USP13: variants seen among roughly 807,000 people sequenced by gnomAD.
USP13 encodes ubiquitin specific peptidase 13, also known as ubiquitin carboxyl-terminal hydrolase 13.
Under a neutral mutation model 107.8 loss-of-function variants are expected in USP13, and 68 were observed. The ratio of observed to expected loss-of-function variants is 0.63; its 90% CI spans 0.52 to 0.77. The LOEUF (loss-of-function observed/expected upper bound fraction) is 0.77, where lower values mean the gene tolerates loss of function less well. USP13 is among the 30% of genes least tolerant of loss of function. The probability of loss-of-function intolerance (pLI) is 0.00; values close to 1 mark genes in which losing one functional copy is unlikely to be tolerated. For missense variants in USP13, 945 were observed against 1,093.3 expected (o/e 0.86, Z 1.91); for synonymous variants, 377 against 389.5 (o/e 0.97, Z 0.38).
chr3:179,683,325 T>C (rs1711734048), intron 2 of USP13, among the ~76,000 whole-genome samples: 1 of 152,218 alleles, frequency 6.6e-6, no homozygotes, highest in Admixed American at 6.5e-5. Flanking sequence ...TTTTGTCGTA[T>C]GAGTTGTGCT....
intron 6 of USP13, among the ~76,000 whole-genome samples, chr3:179,710,199 G>T (rs973516199): frequency 1.3e-5 from 2 of 152,170 alleles, no homozygotes; most frequent in Non-Finnish European, 2.9e-5. Context: ...AATCTTCCAG[G>T]ATTGAAAGGA....
rs1213061378 is a variant in USP13 at position 179,784,069 on chromosome 3, C to T, written c.2520C>T (p.His840=). 1.2e-6 allele frequency: 2 copies of T among 1,612,922 alleles called. No individual in the cohort carries two copies. Among genetic ancestry groups the T allele is most frequent in the Non-Finnish European group, 8.5e-7 (1 of 1,179,722 alleles). Reference sequence around the variant, plus strand: ...TCAGATGGGTGATTTACAATGACCACAAAGTTTGTGCCTCAGAAAGGCCCC... The same window carrying T: ...TCAGATGGGTGATTTACAATGACCATAAAGTTTGTGCCTCAGAAAGGCCCC... ...KEGRWVIYND[H]KVCASERPPK... is the part of the protein sequence containing the mutation. The change falls in exon 21 of 21, where the codon CAC becomes CAT. Residue 840 remains histidine (H), a synonymous_variant. Coordinates refer to ENST00000263966, the MANE Select transcript of USP13 (RefSeq NM_003940.3).
At chr3:179,753,850 C>G (rs1303235374) in intron 14 of USP13, among the ~76,000 whole-genome samples, 1 of 152,114 alleles carries the variant, frequency 6.6e-6, no homozygotes, top group African/African-American at 2.4e-5. Context: ...ATATGTGCAG[C>G]ACTAAATCTT....
chr3:179,738,819 G>A (rs1446402367), intron 10 of USP13, among the ~76,000 whole-genome samples: 2 of 152,196 alleles, frequency 1.3e-5, no homozygotes, highest in African/African-American at 4.8e-5. Context: ...ATTAGTGTCA[G>A]CATCTAATTT....
chr3:179,701,503 CA>C (rs1328433620), intron 4 of USP13, among the ~76,000 whole-genome samples: 1 of 152,164 alleles, frequency 6.6e-6, no homozygotes, highest in African/African-American at 2.4e-5. Flanking sequence ...CTTTTCTGAT[CA>C]GAAGGATAAC....
intron 10 of USP13, among the ~76,000 whole-genome samples, chr3:179,738,622 C>T (rs1055472229): frequency 2.0e-5 from 3 of 152,200 alleles, no homozygotes; most frequent in African/African-American, 7.2e-5. Flanking sequence ...TGGGAAACAG[C>T]TTTATCAGGT....
intron 1 of USP13, among the ~76,000 whole-genome samples, chr3:179,680,979 A>G (rs1473305778): frequency 1.0e-5 from 1 of 97,780 alleles, no homozygotes; most frequent in East Asian, 3.4e-4. Context: ...AGGAAGAACG[A>G]TAATAAAATA....
Position 179,653,092 on chromosome 3 carries a change from G to C in USP13, c.-134G>C. The C allele has an allele frequency of 7.7e-6, 6 of 782,294 alleles. No homozygotes were observed. The highest frequency in any genetic ancestry group is 9.3e-6 in the Non-Finnish European group (6 of 645,974). 48.5% of individuals were successfully genotyped at this position (782,294 alleles called of 1,614,324 possible). ...TCCCGCCCCGCAGCCCGCTCTCCCC[G>C]CCCGCCCCGGCTCGGCCGGCTGCCG... On this transcript the variant is annotated 5_prime_UTR_variant, in exon 1 of 21. Coordinates refer to ENST00000263966, the MANE Select transcript of USP13 (RefSeq NM_003940.3). The surrounding 1 kb of genome is among the most constrained non-coding windows in gnomAD (Gnocchi z 4.0).
chr3:179,701,225 G>A, intron 4 of USP13, 96 bp downstream of exon 4: 1 of 363,156 alleles, frequency 2.8e-6, no homozygotes, highest in South Asian at 2.2e-5. Context: ...GGGGTGGGGT[G>A]GGAAAAGCCG....
chr3:179,696,433 C>T (rs564234222), intron 3 of USP13, among the ~76,000 whole-genome samples: 23 of 147,418 alleles, frequency 1.6e-4, no homozygotes, highest in Admixed American at 4.9e-4. Flanking sequence ...CGGGTTCAAG[C>T]GATTCTCCTG....
At chr3:179,674,733 G>A (rs1004178232) in intron 1 of USP13, among the ~76,000 whole-genome samples, 5 of 151,914 alleles carry the variant, frequency 3.3e-5, no homozygotes, top group Non-Finnish European at 7.4e-5. Flanking sequence ...TTGTAGGAGA[G>A]GATATACGGG....
At chr3:179,674,605 T>G (rs60260874) in intron 1 of USP13, among the ~76,000 whole-genome samples, 107 of 147,558 alleles carry the variant, frequency 7.3e-4, no homozygotes, top group African/African-American at 2.6e-3. Context: ...TGTGTGAATA[T>G]TTTTGCACAA....
chr3:179,709,699 C>T (rs1320757205), intron 6 of USP13, among the ~76,000 whole-genome samples: 1 of 151,942 alleles, frequency 6.6e-6, no homozygotes, highest in Non-Finnish European at 1.5e-5. Flanking sequence ...CTATGAGAAC[C>T]CATCATCTAA....
intron 16 of USP13, among the ~76,000 whole-genome samples, 172 bp from the exon 17 acceptor site, chr3:179,760,940 A>T (rs1014504368): frequency 2.6e-5 from 4 of 152,276 alleles, no homozygotes; most frequent in African/African-American, 9.6e-5. Flanking sequence ...TAGCCCAAAT[A>T]GCTTTAATAT....
chr3:179,732,630 G>A (rs771996438), intron 10 of USP13, among the ~76,000 whole-genome samples: 10 of 152,258 alleles, frequency 6.6e-5, no homozygotes, highest in Middle Eastern at 3.4e-3. Context: ...TTGCGTGACC[G>A]TTTCTGTGCT....
At chr3:179,774,942 A>C (rs1421572551) in intron 19 of USP13, among the ~76,000 whole-genome samples, 1 of 151,906 alleles carries the variant, frequency 6.6e-6, no homozygotes, top group Admixed American at 6.6e-5. Context: ...AAAGTTCTCC[A>C]AGTTCCCACT....
intron 14 of USP13, 31 bp from the exon 15 acceptor site, chr3:179,754,701 C>T: frequency 6.2e-7 from 1 of 1,605,294 alleles, no homozygotes; most frequent in Admixed American, 1.7e-5. Context: ...TTATGGAGAG[C>T]CCAGTGGATA....
At chr3:179,753,754 G>A (rs1029133283) in intron 14 of USP13, among the ~76,000 whole-genome samples, 13 of 152,026 alleles carry the variant, frequency 8.6e-5, no homozygotes, top group African/African-American at 3.1e-4. Context: ...AACTGATTTT[G>A]GGGACAGTAT....
At chr3:179,720,089 C>A (rs748943112) in intron 7 of USP13, 55 bp downstream of exon 7, 11 of 1,354,064 alleles carry the variant, frequency 8.1e-6, no homozygotes, top group Admixed American at 2.0e-5. Context: ...GGTGGGGAGA[C>A]GGCAAGGGAA....
Sources: allele counts gnomAD v4.1 joint callset (sites outside exome capture counted in the v4.1 genomes callset), GRCh38; gene constraint gnomAD v4.1.1; non-coding constraint Gnocchi (gnomAD v3.1); transcripts MANE v1.5; gene names NCBI Gene and HGNC (gene_info 2026-07-23, HGNC 2026-07-21).